Variants in NDUFS8 observed in about 807,000 individuals in gnomAD.
NDUFS8 encodes the protein NADH:ubiquinone oxidoreductase core subunit S8, also known as NADH dehydrogenase [ubiquinone] iron-sulfur protein 8, mitochondrial.
A neutral mutation model predicts 25.6 loss-of-function variants in NDUFS8; 13 were observed. The observed-to-expected ratio is 0.51, with a 90% confidence interval of 0.33 to 0.81. NDUFS8 has a LOEUF of 0.81. NDUFS8 is among the 30% of genes least tolerant of loss of function. The pLI is 0.02. For synonymous variants in NDUFS8, 119 were observed against 119.4 expected, an observed-to-expected ratio of 1.00 and a Z score of 0.02; for missense variants, 257 against 300.9, an observed-to-expected ratio of 0.85 and a Z score of 1.08.
At chr11:68,033,055 C>T (rs750420577) in intron 4 of NDUFS8, 43 bp downstream of exon 4, 2 of 1,613,280 alleles carry the variant, frequency 1.2e-6, no homozygotes, top group Non-Finnish European at 1.7e-6. Context: ...GCCGGGTGGG[C>T]ACGGATGCAT....
Position 68,036,331 on chromosome 11 carries a change from A to G in NDUFS8, c.451A>G (p.Ile151Val). 4 of 1,613,760 alleles carry G rather than the reference A, an allele frequency of 2.5e-6. No homozygotes were observed. The highest frequency in any genetic ancestry group is 3.4e-6 in the Non-Finnish European group (4 of 1,180,004). ...CTATGACATCGACATGACCAAGTGC[A>G]TCTACTGCGGCTTCTGCCAGGAGGC... ...TRYDIDMTKCIYCGFCQEACP... is the reference protein window; with the variant it reads ...TRYDIDMTKCVYCGFCQEACP... The change falls in exon 6 of 7, where the codon ATC becomes GTC. Residue 151 changes from isoleucine (I) to valine (V), a missense_variant. Transcript: ENST00000313468.
chr11:68,036,102 G>A, intron 5 of NDUFS8, 151 bp from the exon 6 acceptor site: 2 of 1,274,028 alleles, frequency 1.6e-6, no homozygotes, highest in Non-Finnish European at 2.2e-6. Context: ...AGCACCAGAG[G>A]TGCAGGGCGG....
In NDUFS8 at chr11:68,036,546, G is replaced by A; in HGVS notation, c.586G>A (p.Glu196Lys). The A allele has an allele frequency of 6.2e-7, 1 of 1,614,090 alleles. No individual in the cohort carries two copies. The highest frequency in any genetic ancestry group is 8.5e-7 in the Non-Finnish European group (1 of 1,180,010). Residue 196 changes from glutamate to lysine, a missense_variant, in exon 7 of 7, where the codon GAG (glutamate) becomes AAG (lysine). Glu to Lys is a moderately conservative substitution (Grantham distance 56). Transcript: ENST00000313468. ...EKLLNNGDKW[E>K]AEIAANIQAD... ...GTTGCTCAACAACGGGGACAAGTGG[G>A]AGGCCGAGATCGCCGCCAACATCCA...
rs550641603 is a variant in NDUFS8 at position 68,034,757 on chromosome 11, G to A, written c.372+1474G>A. 4.9e-5 allele frequency: 7 copies of A among 144,184 alleles called. No homozygotes were observed. The East Asian group carries it at 1.4e-3, about 29-fold the overall frequency. The allele number at this position is 144,184 out of a possible 1,614,324, so 8.9% of individuals were successfully genotyped here. A position where few individuals can be genotyped will look rare whatever the true frequency, so the allele number is the denominator to read the frequency against. On this transcript the variant is annotated intron_variant, in intron 5 of 6. Transcript: ENST00000313468. ...TGAACCGGGAGGTGGGGGTTGCAGTGAGCCAAAATTGAAAAAAAAAAAAAA... is the reference window on the plus strand; with the variant it reads ...TGAACCGGGAGGTGGGGGTTGCAGTAAGCCAAAATTGAAAAAAAAAAAAAA...
intron 5 of NDUFS8, chr11:68,035,396 A>C (rs1370839142): frequency 5.1e-6 from 1 of 197,392 alleles, no homozygotes; most frequent in Non-Finnish European, 1.1e-5. Flanking sequence ...GCACCACTGT[A>C]CTCCAGCCTG....
At chr11:68,035,015 A>T (rs527339634) in intron 5 of NDUFS8, 1 of 151,716 alleles carries the variant, frequency 6.6e-6, no homozygotes, top group Non-Finnish European at 1.5e-5. Context: ...GTTGCAGTGA[A>T]CTATGATTGC....
At position 68,036,385 on chromosome 11, in the gene NDUFS8, C is replaced by T. The variant is rs769843962; in HGVS notation, c.501+4C>T. 17 of 1,613,630 alleles carry T rather than the reference C, an allele frequency of 1.1e-5. No individual in the cohort carries two copies. The highest frequency in any genetic ancestry group is 8.8e-5 in the South Asian group (8 of 91,088). ...TCCCGTGGATGCCATCGTCGAGGCA[C>T]GTGAGGCCCCCGGGTGGGAGGGGGC... On this transcript the variant is annotated splice_donor_region_variant and intron_variant, in intron 6 of 6. Coordinates refer to ENST00000313468, the MANE Select transcript of NDUFS8 (RefSeq NM_002496.4).
At chr11:68,036,189 CAG>C (rs774076053) in intron 5 of NDUFS8, 62 bp from the exon 6 acceptor site, 578 of 1,607,046 alleles carry the variant, frequency 3.6e-4, no homozygotes, top group Non-Finnish European at 4.7e-4. Context: ...TGAGCAGTGA[CAG>C]GGGCCCTGGG....
intron 5 of NDUFS8, chr11:68,035,860 A>G: frequency 2.7e-6 from 1 of 369,424 alleles, no homozygotes; most frequent in Non-Finnish European, 5.4e-6. Context: ...TCTACTAAAA[A>G]ATACAAAAAT....
chr11:68,032,413 A>G, intron 3 of NDUFS8, 77 bp downstream of exon 3: 4 of 1,610,534 alleles, frequency 2.5e-6, no homozygotes, highest in Non-Finnish European at 3.4e-6. Context: ...CCTGAGTTCC[A>G]GTCCTGGCTT....
intron 3 of NDUFS8, chr11:68,032,703 A>G (rs943904694): frequency 1.0e-4 from 81 of 786,890 alleles, no homozygotes; most frequent in Middle Eastern, 7.5e-4. Flanking sequence ...CTGGGCTCCA[A>G]TGGCCACCCA....
rs1399223960 is a variant in NDUFS8 at position 68,036,331 on chromosome 11, A to C, written c.451A>C (p.Ile151Leu). Residue 151 changes from isoleucine (I) to leucine (L), a missense_variant, in exon 6 of 7, where the codon ATC becomes CTC. Transcript: ENST00000313468. ...CTATGACATCGACATGACCAAGTGC[A>C]TCTACTGCGGCTTCTGCCAGGAGGC... ...TRYDIDMTKCIYCGFCQEACP... is the reference protein window; with the variant it reads ...TRYDIDMTKCLYCGFCQEACP... 2.5e-6 allele frequency: 4 copies of C among 1,613,760 alleles called. No individual in the cohort carries two copies. The highest frequency in any genetic ancestry group is 1.7e-5 in the Admixed American group (1 of 60,012).
At position 68,033,032 on chromosome 11, in the gene NDUFS8, G is replaced by T; in HGVS notation, c.199+20G>T. The T allele has an allele frequency of 1.9e-6, 3 of 1,613,540 alleles. No homozygotes were observed. Among genetic ancestry groups the T allele is most frequent in the Non-Finnish European group, 2.5e-6 (3 of 1,179,912 alleles). ...TCCGAGGTGCGTCCTGGGCATGAGG[G>T]GACAGGGAAGGTGCCGGGTGGGCAC... is the stretch of plus-strand genomic sequence containing the variant. On this transcript the variant is annotated intron_variant, in intron 4 of 6. Transcript: ENST00000313468.
intron 5 of NDUFS8, chr11:68,034,274 C>T (rs1854836617): frequency 6.6e-6 from 1 of 152,252 alleles, no homozygotes; most frequent in Non-Finnish European, 1.5e-5. Flanking sequence ...CAGCGGGCTA[C>T]CCAGGAACTG....
chr11:68,036,357 C>T lies in NDUFS8; in HGVS notation c.477C>T (p.Ala159=), dbSNP rs1349014582. The change falls in exon 6 of 7, where the codon GCC becomes GCT. Residue 159 remains alanine, a synonymous_variant. Coordinates refer to ENST00000313468, the MANE Select transcript of NDUFS8 (RefSeq NM_002496.4). ...TCTACTGCGGCTTCTGCCAGGAGGC[C>T]TGTCCCGTGGATGCCATCGTCGAGG... The part of the protein sequence containing the change: ...KCIYCGFCQE[A]CPVDAIVEGP... 5.6e-6 allele frequency: 9 copies of T among 1,613,818 alleles called. No individual in the cohort carries two copies. The South Asian group carries it at 9.9e-5, about 18-fold the overall frequency.
In NDUFS8 at chr11:68,033,147, C is replaced by T. The variant is rs28939679; in HGVS notation, c.236C>T (p.Pro79Leu). Reference sequence around the variant, plus strand: ...ACCCTGAGCTACCTGTTCCGGGAACCGGCCACCATCAACTACCCGTTCGAG... The same window carrying T: ...ACCCTGAGCTACCTGTTCCGGGAACTGGCCACCATCAACTACCCGTTCGAG... The part of the protein sequence containing the change: ...GMTLSYLFRE[P>L]ATINYPFEKG... Residue 79 changes from proline to leucine, a missense_variant, in exon 5 of 7, where the codon CCG becomes CTG. Pro to Leu is a moderately conservative substitution (Grantham distance 98). Coordinates refer to ENST00000313468, the MANE Select transcript of NDUFS8 (RefSeq NM_002496.4). 11 of 1,612,810 alleles carry T rather than the reference C, an allele frequency of 6.8e-6. No homozygotes were observed. The highest frequency in any genetic ancestry group is 3.3e-5 in the South Asian group (3 of 91,060).
At position 68,036,573 on chromosome 11, in the gene NDUFS8, GCTGA is replaced by G. The variant is rs1854897244; in HGVS notation, c.616_619del (p.Asp206ThrfsTer?). ...GGCCGAGATCGCCGCCAACATCCAG[GCTGA>G]CTACTTGTATCGGTGACGCCCCACC... On this transcript the variant is annotated frameshift_variant, in exon 7 of 7. Coordinates refer to ENST00000313468, the MANE Select transcript of NDUFS8 (RefSeq NM_002496.4). LOFTEE classifies it high-confidence loss of function. The G allele has an allele frequency of 1.2e-6, 2 of 1,613,968 alleles. No homozygotes were observed. The highest frequency in any genetic ancestry group is 8.5e-7 in the Non-Finnish European group (1 of 1,180,008).
Position 68,033,211 on chromosome 11 carries a change from G to A in NDUFS8, c.300G>A (p.Ala100=), listed in dbSNP as rs80240555. ...PLSPRFRGEH[A]LRRYPSGEER... is the part of the protein sequence containing the mutation. ...GCCCTCGCTTCCGTGGGGAGCATGC[G>A]CTGCGCCGGTACCCATCCGGGGAGG... The change falls in exon 5 of 7, where the codon GCG becomes GCA. Residue 100 remains alanine (A), a synonymous_variant. Coordinates refer to ENST00000313468, the MANE Select transcript of NDUFS8 (RefSeq NM_002496.4). The A allele has an allele frequency of 9.9e-5, 159 of 1,612,112 alleles. No homozygotes were observed. The African/African-American group carries it at 1.5e-3, about 16-fold the overall frequency.
chr11:68,032,972 C>A lies in NDUFS8; in HGVS notation c.159C>A (p.Asp53Glu), dbSNP rs969886129. The change falls in exon 4 of 7, where the codon GAC becomes GAA. Residue 53 changes from aspartate (D) to glutamate (E), a missense_variant. Asp to Glu is a conservative substitution (Grantham distance 45). Transcript: ENST00000313468. ...AGATGGACATGAAGTCAGTGACTGA[C>A]CGGGCAGCCCGCACCCTGCTGTGGA... ...DPEMDMKSVT[D>E]RAARTLLWTE... is the part of the protein sequence containing the mutation. 3 of 1,613,874 alleles carry A rather than the reference C, an allele frequency of 1.9e-6. No individual in the cohort carries two copies. The highest frequency in any genetic ancestry group is 1.7e-4 in the Middle Eastern group (1 of 6,060).
Sources: allele counts gnomAD v4.1 joint callset, GRCh38; gene constraint gnomAD v4.1.1; transcripts MANE v1.5; gene names NCBI Gene and HGNC (gene_info 2026-07-23, HGNC 2026-07-21).